LRRC37B: variants seen among roughly 807,000 people sequenced by gnomAD.
LRRC37B encodes leucine-rich repeat-containing protein 37B.
A neutral mutation model predicts 98.3 loss-of-function variants in LRRC37B; 28 were observed. The ratio of observed to expected loss-of-function variants is 0.28; its 90% CI spans 0.21 to 0.39. The LOEUF (loss-of-function observed/expected upper bound fraction) is 0.39, where lower values mean the gene tolerates loss of function less well. LRRC37B is among the 10% of genes least tolerant of loss of function. LRRC37B has a pLI of 1.00. For synonymous variants in LRRC37B, 364 were observed against 442.7 expected (o/e 0.82, Z 2.23); for missense variants, 938 against 1,182.7 (o/e 0.79, Z 3.03).
intron 2 of LRRC37B, among the ~76,000 whole-genome samples, chr17:32,026,761 C>T (rs1910967198): frequency 1.3e-5 from 2 of 152,156 alleles, no homozygotes; most frequent in Non-Finnish European, 2.9e-5. Flanking sequence ...AAAATCATTA[C>T]AAAAGTCAGG....
upstream of LRRC37B, among the ~76,000 whole-genome samples, chr17:32,019,617 A>T (rs921487049): frequency 6.6e-6 from 1 of 152,212 alleles, no homozygotes; most frequent in African/African-American, 2.4e-5. Context: ...TGGGAACTTA[A>T]TTTGGGGCTA....
intron 7 of LRRC37B, among the ~76,000 whole-genome samples, chr17:32,037,715 C>A (rs984831169): frequency 1.3e-5 from 2 of 152,180 alleles, no homozygotes; most frequent in Non-Finnish European, 2.9e-5. Flanking sequence ...CTTTACTGTA[C>A]TGTTCAAATC....
intron 5 of LRRC37B, 67 bp from the exon 9 acceptor site, chr17:32,034,843 T>C: frequency 8.1e-7 from 1 of 1,237,978 alleles, no homozygotes; most frequent in Admixed American, 1.9e-5. Flanking sequence ...AAAAAATGAA[T>C]ATAGACTTTT....
upstream of LRRC37B, chr17:32,018,152 A>G: frequency 1.3e-5 from 2 of 154,638 alleles, no homozygotes; most frequent in Non-Finnish European, 2.9e-5. Context: ...TGGATCACCT[A>G]AGGTTGGGAG....
intron 6 of LRRC37B, 31 bp from the exon 10 acceptor site, chr17:32,035,534 A>C (rs1911222086): frequency 6.3e-7 from 1 of 1,590,954 alleles, no homozygotes; most frequent in Non-Finnish European, 8.6e-7. Context: ...TAATGGGTTC[A>C]TATCATGAAT....
At chr17:32,042,349 AC>A (rs959275963) in intron 7 of LRRC37B, 13 of 164,912 alleles carry the variant, frequency 7.9e-5, no homozygotes, top group East Asian at 1.4e-4. Context: ...CCACCTACAC[AC>A]CCCCCCAGCA....
intron 1 of LRRC37B, among the ~76,000 whole-genome samples, chr17:32,015,856 C>T (rs927181661): frequency 2.0e-5 from 3 of 152,166 alleles, no homozygotes; most frequent in Admixed American, 6.5e-5. Context: ...ATCGTGCTCA[C>T]GCTGTCATGG....
At chr17:32,012,128 G>A (rs1461330349) in intron 1 of LRRC37B, among the ~76,000 whole-genome samples, 1 of 152,188 alleles carries the variant, frequency 6.6e-6, no homozygotes, top group Non-Finnish European at 1.5e-5. Context: ...GTTAGGTAAA[G>A]TGTTTCATAA....
At chr17:32,052,859 C>T (rs1431135192) in intron 11 of LRRC37B, 1 of 157,920 alleles carries the variant, frequency 6.3e-6, no homozygotes, top group Non-Finnish European at 1.4e-5. Flanking sequence ...GTGGGCAGAT[C>T]ACTGGAGCCC....
At chr17:32,037,168 A>T (rs1370256306) in intron 7 of LRRC37B, among the ~76,000 whole-genome samples, 1 of 151,806 alleles carries the variant, frequency 6.6e-6, no homozygotes, top group Non-Finnish European at 1.5e-5. Flanking sequence ...TTTAGTAGAG[A>T]TAGGGTTTCA....
intron 1 of LRRC37B, 125 bp downstream of exon 4, chr17:32,022,950 C>A (rs1355051829): frequency 2.3e-6 from 2 of 888,622 alleles, no homozygotes; most frequent in Non-Finnish European, 3.6e-6. Flanking sequence ...CTGCTTTCAC[C>A]TTTGCCTGTC....
chr17:32,044,787 G>A (rs1476066945), intron 7 of LRRC37B, among the ~76,000 whole-genome samples: 1 of 152,138 alleles, frequency 6.6e-6, no homozygotes, highest in East Asian at 1.9e-4. Context: ...CTATCTGGGG[G>A]GCTGAATTTG....
chr17:32,018,003 CA>C (rs1910684158), upstream of LRRC37B: 1 of 220,742 alleles, frequency 4.5e-6, no homozygotes. Context: ...AGTGCAGACC[CA>C]GTGAAGAGAT....
intron 7 of LRRC37B, chr17:32,042,173 T>TC (rs1048610123): frequency 2.7e-5 from 7 of 263,554 alleles, no homozygotes; most frequent in South Asian, 7.3e-5. Flanking sequence ...TGCCCCACCT[T>TC]CCCCCCCATA....
rs575939195 is a variant in LRRC37B at position 32,033,510 on chromosome 17, G to A, written c.2058-1400G>A. ...CAGATTACAGCTTTGCTTCTTCATA[G>A]CTTGGTGACCTAGGACAAGTTATGT... On this transcript the variant is annotated intron_variant, in intron 5 of 11. Transcript: ENST00000327564. 3.3e-5 allele frequency among the ~76,000 whole-genome samples: 5 copies of A among 152,270 alleles called. No homozygotes were observed. The East Asian group carries it at 9.6e-4, about 29-fold the overall frequency.
chr17:32,027,139 C>T (rs1182757309), intron 2 of LRRC37B, among the ~76,000 whole-genome samples: 1 of 152,200 alleles, frequency 6.6e-6, no homozygotes, highest in African/African-American at 2.4e-5. Flanking sequence ...AATGGCTTCA[C>T]TTGCAGCCCT....
chr17:32,025,643 C>A (rs4079187), intron 2 of LRRC37B, among the ~76,000 whole-genome samples: 13 of 152,234 alleles, frequency 8.5e-5, no homozygotes, highest in Middle Eastern at 3.4e-3. Context: ...AGGGTCACCC[C>A]ATTCATTTAA....
At chr17:32,027,377 G>GTGTGTGTGCA (rs1910988433) in intron 2 of LRRC37B, among the ~76,000 whole-genome samples, 1 of 150,476 alleles carries the variant, frequency 6.6e-6, no homozygotes, top group African/African-American at 2.5e-5. Context: ...GTGTGTGCTT[G>GTGTGTGTGCA]TGTGTGTGTG....
upstream of LRRC37B, among the ~76,000 whole-genome samples, chr17:32,017,644 AAG>A (rs1910674642): frequency 6.6e-6 from 1 of 152,116 alleles, no homozygotes; most frequent in Non-Finnish European, 1.5e-5. Context: ...GTCTCTAAAA[AAG>A]AGAATTAGCC....
Sources: allele counts gnomAD v4.1 joint callset (sites outside exome capture counted in the v4.1 genomes callset), GRCh38; gene constraint gnomAD v4.1.1; transcripts MANE v1.5; gene names NCBI Gene and HGNC (gene_info 2026-07-23, HGNC 2026-07-21).